CSN3: variants seen among roughly 807,000 people sequenced by gnomAD.
CSN3 encodes the protein casein kappa.
A neutral mutation model predicts 9.9 loss-of-function variants in CSN3; 7 were observed. The observed-to-expected ratio is 0.71, with a 90% confidence interval of 0.40 to 1.33. CSN3 has a LOEUF of 1.33. Among genes scored for constraint, CSN3 ranks in the 40% most tolerant of loss-of-function variants. CSN3 has a pLI of 0.01. For missense variants in CSN3, 253 were observed against 227.9 expected, an observed-to-expected ratio of 1.11 and a Z score of -0.71; for synonymous variants, 88 against 82.3, an observed-to-expected ratio of 1.07 and a Z score of -0.37.
At chr4:70,247,876 T>C in intron 3 of CSN3, 26 bp downstream of exon 3, 1 of 1,583,460 alleles carries the variant, frequency 6.3e-7, no homozygotes, top group Non-Finnish European at 8.6e-7. Flanking sequence ...TTACTTCTGT[T>C]ACAGGCATGA....
At chr4:70,244,206 AC>A (rs1263346965) in intron 1 of CSN3, among the ~76,000 whole-genome samples, 1 of 152,014 alleles carries the variant, frequency 6.6e-6, no homozygotes, top group East Asian at 1.9e-4. Context: ...TAGCTTTTTA[AC>A]CCATCATTAT....
chr4:70,244,322 C>T (rs184536662), intron 1 of CSN3, among the ~76,000 whole-genome samples: 4 of 152,158 alleles, frequency 2.6e-5, no homozygotes, highest in Admixed American at 6.6e-5. Context: ...TCAAGACTTT[C>T]TCCTCTACTT....
upstream of CSN3, among the ~76,000 whole-genome samples, chr4:70,241,865 C>T (rs750015918): frequency 3.7e-4 from 56 of 152,012 alleles, no homozygotes; most frequent in Non-Finnish European, 7.2e-4. Flanking sequence ...GCAGCCCAAA[C>T]GCAAATGATT....
At chr4:70,241,111 C>T (rs1209900755), upstream of CSN3, among the ~76,000 whole-genome samples, 1 of 151,864 alleles carries the variant, frequency 6.6e-6, no homozygotes, top group Non-Finnish European at 1.5e-5. Context: ...AAATAAATGG[C>T]TGAGAAATTA....
chr4:70,245,394 T>A (rs1410736781), intron 2 of CSN3, among the ~76,000 whole-genome samples: 3 of 152,188 alleles, frequency 2.0e-5, no homozygotes, highest in Non-Finnish European at 4.4e-5. Context: ...ACTTTTGTTA[T>A]ATTCTTCCCC....
At chr4:70,241,623 T>C (rs540785815), upstream of CSN3, among the ~76,000 whole-genome samples, 1 of 152,188 alleles carries the variant, frequency 6.6e-6, no homozygotes, top group South Asian at 2.1e-4. Flanking sequence ...AAATTTTGTT[T>C]AGCTATTTTT....
At chr4:70,239,229 A>G (rs1215854114), upstream of CSN3, among the ~76,000 whole-genome samples, 6 of 151,836 alleles carry the variant, frequency 4.0e-5, no homozygotes, top group Non-Finnish European at 8.8e-5. Context: ...GGGGAAAAAA[A>G]AAGAAGGAAA....
chr4:70,239,767 T>G (rs769021083), upstream of CSN3, among the ~76,000 whole-genome samples: 1 of 152,014 alleles, frequency 6.6e-6, no homozygotes, highest in Non-Finnish European at 1.5e-5. Context: ...GTATTGTTTG[T>G]TTAACAGAAG....
exon 4 of CSN3, chr4:70,249,179 A>T (rs776694773): frequency 6.2e-7 from 1 of 1,614,110 alleles, no homozygotes; most frequent in Non-Finnish European, 8.5e-7. Flanking sequence ...GTTAGGCCAC[A>T]TGCCCAAATT....
At chr4:70,248,031 C>T (rs62308385) in intron 3 of CSN3, among the ~76,000 whole-genome samples, 181 bp downstream of exon 3, 17,391 of 152,094 alleles carry the variant, frequency 0.11, 1,315 homozygotes, top group East Asian at 0.27. Flanking sequence ...CATTGATGTT[C>T]ATCTGAAAGT....
intron 1 of CSN3, 28 bp from the exon 2 acceptor site, chr4:70,244,784 A>G: frequency 2.9e-6 from 4 of 1,361,784 alleles, no homozygotes; most frequent in Non-Finnish European, 3.0e-6. Flanking sequence ...ATTCTTTTAA[A>G]TTAATTTTTT....
chr4:70,243,226 C>T lies in CSN3; in HGVS notation c.-9+561C>T, dbSNP rs560585527. On this transcript the variant is annotated intron_variant, in intron 1 of 4. Transcript: ENST00000304954. ...TTATCTCTGTGATTTTTGTTTGTGC[C>T]AAAAGGAAATTACTATCATTTTATA... The T allele has an allele frequency of 7.9e-6, 7 of 889,000 alleles. No homozygotes were observed. The East Asian group carries it at 8.5e-4, about 108-fold the overall frequency. The allele number at this position is 889,000 out of a possible 1,614,324, so 55.1% of individuals were successfully genotyped here. A position where few individuals can be genotyped will look rare whatever the true frequency, so the allele number is the denominator to read the frequency against.
At chr4:70,249,311 T>A (rs757968238) in exon 4 of CSN3, 2 of 1,613,862 alleles carry the variant, frequency 1.2e-6, no homozygotes, top group African/African-American at 2.7e-5. Context: ...ATCCCTACCA[T>A]CAATACCATT....
At chr4:70,239,911 T>C (rs1424591095), upstream of CSN3, among the ~76,000 whole-genome samples, 2 of 152,034 alleles carry the variant, frequency 1.3e-5, no homozygotes, top group East Asian at 3.9e-4. Context: ...ATTTCTTTTT[T>C]GTATGCTTTT....
At chr4:70,247,549 G>A (rs1033336701) in intron 2 of CSN3, among the ~76,000 whole-genome samples, 1 of 151,944 alleles carries the variant, frequency 6.6e-6, no homozygotes, top group African/African-American at 2.4e-5. Flanking sequence ...GGAGTCAGAT[G>A]ACTAGATTTT....
exon 4 of CSN3, chr4:70,249,164 C>T (rs371503925): frequency 6.2e-7 from 1 of 1,614,060 alleles, no homozygotes; most frequent in South Asian, 1.1e-5. Context: ...GCAAACCCAG[C>T]TGTAGTTAGG....
intron 1 of CSN3, among the ~76,000 whole-genome samples, 195 bp from the exon 2 acceptor site, chr4:70,244,617 A>G (rs1730338499): frequency 6.6e-6 from 1 of 152,076 alleles, no homozygotes; most frequent in African/African-American, 2.4e-5. Context: ...TAATATTGTC[A>G]AAAATTAAAT....
At chr4:70,240,581 C>T (rs968028201), upstream of CSN3, among the ~76,000 whole-genome samples, 3 of 151,914 alleles carry the variant, frequency 2.0e-5, no homozygotes, top group African/African-American at 7.2e-5. Flanking sequence ...GCTTTTCTTT[C>T]GAAAACGCAA....
At chr4:70,244,711 C>T (rs1319832964) in intron 1 of CSN3, 101 bp from the exon 2 acceptor site, 2 of 528,738 alleles carry the variant, frequency 3.8e-6, no homozygotes, top group Non-Finnish European at 5.8e-6. Flanking sequence ...ACCTGTAAAT[C>T]TGGCTTTTTT....
Sources: gnomAD v4.1 joint callset for allele counts (sites outside exome capture counted in the v4.1 genomes callset) on GRCh38, gnomAD v4.1.1 for gene constraint, MANE v1.5 for transcripts, NCBI Gene and HGNC (gene_info 2026-07-23, HGNC 2026-07-21) for gene names.